MORN4: variants seen among roughly 807,000 people sequenced by gnomAD.
The protein encoded by MORN4 is MORN repeat containing 4.
In MORN4, 8 loss-of-function variants were observed where a neutral mutation model predicts 16.4. The ratio of observed to expected loss-of-function variants is 0.49; its 90% CI spans 0.29 to 0.88. The LOEUF is 0.88. MORN4 is among the 40% of genes least tolerant of loss of function. The pLI is 0.09. For missense variants in MORN4, 159 were observed against 182.9 expected (o/e 0.87, Z 0.75); for synonymous variants, 53 against 68.9 (o/e 0.77, Z 1.14).
intron 1 of MORN4, among the ~76,000 whole-genome samples, chr10:97,623,478 T>C (rs1277995525): frequency 1.3e-5 from 2 of 152,102 alleles, no homozygotes; most frequent in Non-Finnish European, 1.5e-5. Context: ...ATAAGTAACC[T>C]AGAGTCTGAC....
intron 1 of MORN4, among the ~76,000 whole-genome samples, chr10:97,623,450 A>G (rs918298173): frequency 8.5e-5 from 13 of 152,168 alleles, no homozygotes; most frequent in Non-Finnish European, 1.9e-4. Flanking sequence ...CCTCCAAAAA[A>G]AAAGTCCCCT....
In MORN4 at chr10:97,621,123, G is replaced by GAAATAAATAAAT. The variant is rs35172768; in HGVS notation, c.-30-1452_-30-1441dup. Among the ~76,000 whole-genome samples, 53 of 149,780 alleles carry GAAATAAATAAAT rather than the reference G, an allele frequency of 3.5e-4. 1 individual carries two copies. The highest frequency in any genetic ancestry group is 5.9e-4 in the East Asian group (3 of 5,066). On this transcript the variant is annotated intron_variant, in intron 1 of 4. Transcript: ENST00000307450. The stretch of plus-strand genomic sequence containing the variant: ...GTGACAGAGCAAGACTCTGTCTCGA[G>GAAATAAATAAAT]AAATAAATAAATAAATAAATAAATA...
At chr10:97,629,634 C>T (rs1043422404) in intron 1 of MORN4, among the ~76,000 whole-genome samples, 1 of 152,156 alleles carries the variant, frequency 6.6e-6, no homozygotes, top group African/African-American at 2.4e-5. Flanking sequence ...ATGATTCCAG[C>T]CCTCAGCCAT....
At chr10:97,616,642 C>T (rs1199491532) in intron 4 of MORN4, 36 bp downstream of exon 4, 2 of 1,526,468 alleles carry the variant, frequency 1.3e-6, no homozygotes, top group Non-Finnish European at 1.8e-6. Flanking sequence ...ATATTATGCC[C>T]ACCTAAGTCA....
chr10:97,627,147 T>G (rs547569142), intron 1 of MORN4, among the ~76,000 whole-genome samples: 9 of 152,216 alleles, frequency 5.9e-5, no homozygotes, highest in East Asian at 1.9e-4. Flanking sequence ...CCTTTTTTTT[T>G]TTGTTTTTTG....
rs1192677172 is a variant in MORN4, at chr10:97,633,352, G to A, written c.-36C>T. 7.8e-7 allele frequency: 1 copy of A among 1,289,608 alleles called. No individual in the cohort carries two copies. Among genetic ancestry groups the A allele is most frequent in the African/African-American group, 1.5e-5 (1 of 65,878 alleles). 79.9% of individuals were successfully genotyped at this position (1,289,608 alleles called of 1,614,324 possible). On this transcript the variant is annotated 5_prime_UTR_variant, in exon 1 of 5. Transcript: ENST00000307450. The surrounding 1 kb of genome is among the most constrained non-coding windows in gnomAD (Gnocchi z 4.5). Reference sequence around the variant, plus strand: ...CTCCTGCGCCTCCAGCCAACCTGGGGCCGGCCTTTCGGGATGACCGTCACG... The same window carrying A: ...CTCCTGCGCCTCCAGCCAACCTGGGACCGGCCTTTCGGGATGACCGTCACG...
In MORN4 at chr10:97,615,892, A is replaced by G. The variant is rs1400238933; in HGVS notation, c.*371T>C. Reference sequence around the variant, plus strand: ...CTGGGGCTAGGATCACCTGTCCCCAAAGCAGCAGAACGAAGGTTCTGTATC... The same window carrying G: ...CTGGGGCTAGGATCACCTGTCCCCAGAGCAGCAGAACGAAGGTTCTGTATC... On this transcript the variant is annotated 3_prime_UTR_variant, in exon 5 of 5. Transcript: ENST00000307450. 1.9e-5 allele frequency: 3 copies of G among 161,732 alleles called. No homozygotes were observed. The highest frequency in any genetic ancestry group is 1.3e-4 in the Admixed American group (2 of 15,620). The allele number at this position is 161,732 out of a possible 1,614,324, so 10.0% of individuals were successfully genotyped here. A position where few individuals can be genotyped will look rare whatever the true frequency, so the allele number is the denominator to read the frequency against.
rs929178023 is a variant in MORN4, at chr10:97,615,442, G to A, written c.*821C>T. ...ATTTTTTATAATAATAAAATTAAAGGCTGAGCGTGGTGGCTCACGCCTGTA... is the reference window on the plus strand; with the variant it reads ...ATTTTTTATAATAATAAAATTAAAGACTGAGCGTGGTGGCTCACGCCTGTA... On this transcript the variant is annotated 3_prime_UTR_variant, in exon 5 of 5. Coordinates refer to ENST00000307450, the MANE Select transcript of MORN4 (RefSeq NM_178832.4). 12 of 152,196 alleles carry A rather than the reference G, an allele frequency of 7.9e-5. No homozygotes were observed. Among genetic ancestry groups the A allele is most frequent in the Admixed American group, 7.9e-4 (12 of 15,276 alleles). The allele number at this position is 152,196 out of a possible 1,614,324, so 9.4% of individuals were successfully genotyped here.
chr10:97,629,770 G>GT (rs1186528790), intron 1 of MORN4, among the ~76,000 whole-genome samples: 20 of 151,544 alleles, frequency 1.3e-4, no homozygotes, highest in Admixed American at 1.3e-3. Context: ...TGTTTGTTTT[G>GT]TTTTTTGAGA....
At chr10:97,630,563 T>C (rs1323012283) in intron 1 of MORN4, among the ~76,000 whole-genome samples, 2 of 152,214 alleles carry the variant, frequency 1.3e-5, no homozygotes, top group East Asian at 3.8e-4. Context: ...GCCAAAATGA[T>C]GTCCATTGCC....
chr10:97,629,204 A>G (rs920733908), intron 1 of MORN4, among the ~76,000 whole-genome samples: 4 of 152,144 alleles, frequency 2.6e-5, no homozygotes, highest in Non-Finnish European at 5.9e-5. Flanking sequence ...CCTGACCAAC[A>G]TGGAGAAACC....
At position 97,633,264 on chromosome 10, in the gene MORN4, G is replaced by C; in HGVS notation, c.-31+83C>G. 8.0e-7 allele frequency: 1 copy of C among 1,245,282 alleles called. No individual in the cohort carries two copies. Among genetic ancestry groups the C allele is most frequent in the Non-Finnish European group, 1.0e-6 (1 of 962,588 alleles). 77.1% of individuals were successfully genotyped at this position (1,245,282 alleles called of 1,614,324 possible). A position where few individuals can be genotyped will look rare whatever the true frequency, so the allele number is the denominator to read the frequency against. ...AGGTGGAGCCGCGCCCCCGAGCCGG[G>C]TCATCTCGTGCTCCGTTCCTCAGTG... On this transcript the variant is annotated intron_variant, in intron 1 of 4. Coordinates refer to ENST00000307450, the MANE Select transcript of MORN4 (RefSeq NM_178832.4). The surrounding 1 kb of genome is among the most constrained non-coding windows in gnomAD (Gnocchi z 4.5).
chr10:97,624,019 AGC>A (rs533322131), intron 1 of MORN4, among the ~76,000 whole-genome samples: 33 of 151,884 alleles, frequency 2.2e-4, no homozygotes, highest in African/African-American at 7.5e-4. Context: ...TACAGGCATG[AGC>A]CACCGTGCCT....
chr10:97,619,198 G>A (rs575577086), intron 2 of MORN4, among the ~76,000 whole-genome samples: 2 of 152,088 alleles, frequency 1.3e-5, no homozygotes, highest in East Asian at 1.9e-4. Context: ...GGTGGCAGGC[G>A]CCTGTAATCC....
chr10:97,616,915 T>C (rs1414249022), intron 3 of MORN4, 128 bp from the exon 4 acceptor site: 3 of 700,344 alleles, frequency 4.3e-6, no homozygotes, highest in Non-Finnish European at 7.6e-6. Flanking sequence ...GTCACATAGC[T>C]CCACCTACCC....
chr10:97,631,843 G>C (rs2041398355), intron 1 of MORN4, among the ~76,000 whole-genome samples: 1 of 152,170 alleles, frequency 6.6e-6, no homozygotes, highest in African/African-American at 2.4e-5. Flanking sequence ...GCTGAGGTAG[G>C]AGGATTGCTT....
At chr10:97,633,756 T>TGACCATCAACGCGAGC (rs1427552908), upstream of MORN4, among the ~76,000 whole-genome samples, 1 of 152,184 alleles carries the variant, frequency 6.6e-6, no homozygotes, top group Non-Finnish European at 1.5e-5. The surrounding 1 kb of genome is among the most constrained non-coding windows in gnomAD (Gnocchi z 4.5). Flanking sequence ...GAAGCAACAG[T>TGACCATCAACGCGAGC]GACCATCAAC....
At chr10:97,621,812 C>A (rs1339000194) in intron 1 of MORN4, among the ~76,000 whole-genome samples, 1 of 152,052 alleles carries the variant, frequency 6.6e-6, no homozygotes, top group Non-Finnish European at 1.5e-5. Flanking sequence ...TTGCAGTAAG[C>A]CAAGATCGCA....
intron 4 of MORN4, 116 bp downstream of exon 4, chr10:97,616,562 G>A: frequency 8.2e-7 from 1 of 1,226,388 alleles, no homozygotes; most frequent in South Asian, 1.4e-5. Flanking sequence ...CAATGGATAG[G>A]TGTCAGGGAC....
Sources: gnomAD v4.1 joint callset for allele counts (sites outside exome capture counted in the v4.1 genomes callset) on GRCh38, gnomAD v4.1.1 for gene constraint, Gnocchi (gnomAD v3.1) non-coding constraint, MANE v1.5 for transcripts, NCBI Gene and HGNC (gene_info 2026-07-23, HGNC 2026-07-21) for gene names.